The following SHISA9 variants were observed in gnomAD, a reference collection of about 807,000 sequenced individuals.
SHISA9 encodes protein shisa-9.
Under a neutral mutation model 38.0 loss-of-function variants are expected in SHISA9, and 13 were observed. That is an observed-to-expected ratio of 0.34 (90% CI 0.22 to 0.54). The LOEUF (loss-of-function observed/expected upper bound fraction) is 0.54. Among genes scored for constraint, SHISA9 ranks in the 20% least tolerant of loss-of-function variants. The pLI is 0.91. For synonymous variants in SHISA9, 275 were observed against 242.0 expected (o/e 1.14, Z -1.27); for missense variants, 538 against 575.8 (o/e 0.93, Z 0.67).
chr16:13,424,834 G>C, the SHISA9 span, among the ~76,000 whole-genome samples: 6 of 152,160 alleles, frequency 3.9e-5, no homozygotes, highest in African/African-American at 1.4e-4. Context: ...TTAGACCCTG[G>C]CTGCTTTAAG....
the SHISA9 span, among the ~76,000 whole-genome samples, chr16:13,552,509 T>C: frequency 6.6e-6 from 1 of 151,624 alleles, no homozygotes; most frequent in East Asian, 2.0e-4. Flanking sequence ...GGCAAGTGCT[T>C]TTGTTACCTT....
chr16:13,224,635 G>T (rs531176496), intron 4 of SHISA9, among the ~76,000 whole-genome samples: 2 of 152,310 alleles, frequency 1.3e-5, no homozygotes, highest in African/African-American at 4.8e-5. Flanking sequence ...TCTGCCCTAA[G>T]TGGAGCTTTA....
chr16:13,220,217 G>C lies in SHISA9; in HGVS notation c.895+6917G>C, dbSNP rs894285882. On this transcript the variant is annotated intron_variant, in intron 4 of 4. Coordinates refer to ENST00000558583, the MANE Select transcript of SHISA9 (RefSeq NM_001145204.3). The stretch of plus-strand genomic sequence containing the variant: ...TCAGGTGATTTCACCCATCTCTCTG[G>C]GAGTTGGCTGGATGTTGGGTGATCT... Among the ~76,000 whole-genome samples the C allele has an allele frequency of 2.0e-5, 3 of 152,112 alleles. 1 individual carries two copies. Among genetic ancestry groups the C allele is most frequent in the Admixed American group, 2.0e-4 (3 of 15,270 alleles).
chr16:13,272,127 C>T, the SHISA9 span, among the ~76,000 whole-genome samples: 19 of 150,422 alleles, frequency 1.3e-4, no homozygotes, highest in Admixed American at 1.1e-3. Flanking sequence ...TGATTTATGA[C>T]GGTGGTTGCA....
At chr16:13,488,261 G>T in the SHISA9 span, among the ~76,000 whole-genome samples, 1 of 148,472 alleles carries the variant, frequency 6.7e-6, no homozygotes, top group African/African-American at 2.5e-5. Context: ...AAAAAAAAAA[G>T]GAATTAGTTA....
At chr16:13,218,621 T>A (rs1383122537) in intron 4 of SHISA9, among the ~76,000 whole-genome samples, 1 of 152,222 alleles carries the variant, frequency 6.6e-6, no homozygotes, top group East Asian at 1.9e-4. Flanking sequence ...CCTTAGTTCC[T>A]TCATCTGTCA....
the SHISA9 span, among the ~76,000 whole-genome samples, chr16:13,252,149 C>T: frequency 6.6e-6 from 1 of 152,176 alleles, no homozygotes; most frequent in African/African-American, 2.4e-5. Flanking sequence ...CATGATCTGG[C>T]CTCCAAATGC....
At chr16:12,962,625 C>T (rs938524026) in intron 2 of SHISA9, among the ~76,000 whole-genome samples, 4 of 152,218 alleles carry the variant, frequency 2.6e-5, no homozygotes, top group African/African-American at 7.2e-5. Context: ...ATCTGCAAAA[C>T]AGGAGGGGAG....
intron 2 of SHISA9, among the ~76,000 whole-genome samples, chr16:13,012,923 A>C (rs60460882): frequency 0.12 from 18,566 of 152,062 alleles, 1,224 homozygotes; most frequent in Middle Eastern, 0.17. Flanking sequence ...TGCCATCTCC[A>C]TGGTACCCAG....
At chr16:13,338,836 G>C in the SHISA9 span, among the ~76,000 whole-genome samples, 1 of 152,160 alleles carries the variant, frequency 6.6e-6, no homozygotes, top group Non-Finnish European at 1.5e-5. Context: ...GATAATGGAA[G>C]AACAAATGGC....
chr16:13,348,781 T>C, the SHISA9 span, among the ~76,000 whole-genome samples: 5 of 152,056 alleles, frequency 3.3e-5, no homozygotes, highest in South Asian at 4.1e-4. Flanking sequence ...CATTTGTAGA[T>C]TGAAGGGGCC....
At chr16:13,373,783 G>A in the SHISA9 span, among the ~76,000 whole-genome samples, 3 of 151,652 alleles carry the variant, frequency 2.0e-5, no homozygotes, top group Non-Finnish European at 4.4e-5. Flanking sequence ...AAAAAAAGAT[G>A]GGAGTGACGA....
chr16:13,043,852 A>G (rs551855633), intron 2 of SHISA9, among the ~76,000 whole-genome samples: 1 of 152,258 alleles, frequency 6.6e-6, no homozygotes, highest in South Asian at 2.1e-4. Context: ...CTCCCAGTGG[A>G]TCTATTCGTT....
chr16:13,284,461 T>C, the SHISA9 span, among the ~76,000 whole-genome samples: 1 of 152,208 alleles, frequency 6.6e-6, no homozygotes, highest in South Asian at 2.1e-4. Flanking sequence ...TTGTATTTCT[T>C]ATCATTGCAT....
intron 2 of SHISA9, among the ~76,000 whole-genome samples, chr16:12,955,917 T>C (rs1260527417): frequency 6.6e-6 from 1 of 152,138 alleles, no homozygotes; most frequent in Non-Finnish European, 1.5e-5. Flanking sequence ...GAGACTTACT[T>C]TAATTAAAAA....
intron 2 of SHISA9, among the ~76,000 whole-genome samples, chr16:13,002,735 G>C (rs1455928645): frequency 6.6e-6 from 1 of 151,834 alleles, no homozygotes; most frequent in African/African-American, 2.4e-5. Flanking sequence ...ATTTCATTAC[G>C]TTGGCCAGGC....
the SHISA9 span, among the ~76,000 whole-genome samples, chr16:13,461,435 C>T: frequency 1.3e-4 from 20 of 151,930 alleles, no homozygotes; most frequent in African/African-American, 3.9e-4. Context: ...CAAAATTAGC[C>T]GGACGTGGTG....
Position 13,006,652 on chromosome 16 carries a change from T to C in SHISA9, c.691+89837T>C, listed in dbSNP as rs543993873. Among the ~76,000 whole-genome samples the C allele has an allele frequency of 1.4e-4, 22 of 152,264 alleles. 2 individuals carry two copies. Among genetic ancestry groups the C allele is most frequent in the Admixed American group, 1.1e-3 (17 of 15,296 alleles). ...TTGGATGGACAAGTTAGCGAAGAAA[T>C]GAGAAAATGAACTGTATTAGACATT... is the stretch of plus-strand genomic sequence containing the variant. On this transcript the variant is annotated intron_variant, in intron 2 of 4. Coordinates refer to ENST00000558583, the MANE Select transcript of SHISA9 (RefSeq NM_001145204.3).
chr16:13,112,393 G>GA (rs1185035017), intron 2 of SHISA9, among the ~76,000 whole-genome samples: 3 of 151,300 alleles, frequency 2.0e-5, no homozygotes, highest in African/African-American at 7.3e-5. Context: ...AGGGAGGAAG[G>GA]AAAAAAAAGG....
Sources: gnomAD v4.1 joint callset for allele counts (sites outside exome capture counted in the v4.1 genomes callset) on GRCh38, gnomAD v4.1.1 for gene constraint, MANE v1.5 for transcripts, NCBI Gene and HGNC (gene_info 2026-07-23, HGNC 2026-07-21) for gene names.